The following MMEL1 variants were observed in gnomAD, a reference collection of about 807,000 sequenced individuals.
MMEL1 encodes the protein membrane metallo-endopeptidase-like 1.
In MMEL1, 98 loss-of-function variants were observed where a neutral mutation model predicts 117.1. That is an observed-to-expected ratio of 0.84 (90% CI 0.71 to 0.99). The LOEUF (loss-of-function observed/expected upper bound fraction) is 0.99, where lower values mean the gene tolerates loss of function less well. Ranked by LOEUF, MMEL1 falls within the 50% of genes least tolerant of loss-of-function variation. The pLI is 0.00. For synonymous variants in MMEL1, 390 were observed against 415.1 expected (o/e 0.94, Z 0.74); for missense variants, 1,014 against 1,049.1 (o/e 0.97, Z 0.46).
intron 18 of MMEL1, 143 bp from the exon 19 acceptor site, chr1:2,594,076 T>C (rs1293924026): frequency 6.9e-6 from 8 of 1,161,782 alleles, no homozygotes; most frequent in Non-Finnish European, 9.4e-6. Context: ...AATTTACAGA[T>C]GAAGACACGG....
At position 2,629,481 on chromosome 1, in the gene MMEL1, C is replaced by A. The variant is rs941110889; in HGVS notation, c.4G>T (p.Gly2Trp). 1 of 1,513,846 alleles carries A rather than the reference C, an allele frequency of 6.6e-7. No individual in the cohort carries two copies. 93.8% of individuals were successfully genotyped at this position (1,513,846 alleles called of 1,614,324 possible). ...ATCCCCACTGGGCCTTCGGACTTCC[C>A]CATCAGCAGGGCTCTGGACGGGAGA... MGKSEGPVGMVE... is the reference protein window; with the variant it reads MWKSEGPVGMVE... The change falls in exon 2 of 24, where the codon GGG (glycine) becomes TGG (tryptophan). Residue 2 changes from glycine (G) to tryptophan (W), a missense_variant. Gly to Trp is a radical substitution (Grantham distance 184). Coordinates refer to ENST00000378412, the MANE Select transcript of MMEL1 (RefSeq NM_033467.4).
intron 19 of MMEL1, 129 bp downstream of exon 19, chr1:2,593,685 C>T: frequency 1.5e-6 from 2 of 1,318,574 alleles, no homozygotes. Context: ...CCCACAGCTC[C>T]CTGAGGACCT....
Position 2,595,241 on chromosome 1 carries a change from T to TG in MMEL1, c.1584+34dup, listed in dbSNP as rs1557521519. ...GCAATCAGGGCCCATGTCCACGGTG[T>TG]GGGGGGCAGTTTAGGGCTGGGGTTG... On this transcript the variant is annotated intron_variant, in intron 16 of 23. Transcript: ENST00000378412. The surrounding 1 kb of genome is among the most constrained non-coding windows in gnomAD (Gnocchi z 4.8). 6.3e-7 allele frequency: 1 copy of TG among 1,579,314 alleles called. No individual in the cohort carries two copies. Among genetic ancestry groups the TG allele is most frequent in the Non-Finnish European group, 8.7e-7 (1 of 1,150,386 alleles).
chr1:2,604,119 C>CCCTG, intron 10 of MMEL1, 28 bp downstream of exon 10: 47 of 1,510,052 alleles, frequency 3.1e-5, no homozygotes, highest in Non-Finnish European at 4.1e-5. Context: ...ACTCGCTGCC[C>CCCTG]GCTCCCCACC....
At chr1:2,606,491 C>T (rs770684706) in intron 7 of MMEL1, 125 bp from the exon 8 acceptor site, 114 of 672,242 alleles carry the variant, frequency 1.7e-4, no homozygotes, top group Non-Finnish European at 2.6e-4. Flanking sequence ...CTCACCTGTG[C>T]GCCTTAGGGG....
rs1432590760 is a variant in MMEL1 at position 2,596,032 on chromosome 1, ACTC to A, written c.1474_1476del (p.Glu492del). 1.7e-5 allele frequency: 27 copies of A among 1,612,092 alleles called. No individual in the cohort carries two copies. The highest frequency in any genetic ancestry group is 2.0e-5 in the Non-Finnish European group (24 of 1,179,526). The stretch of plus-strand genomic sequence containing the variant: ...ACCTTCTCCTGCGCCTTCTTCTTGG[ACTC>A]CTCGTCCATCCAGCCCAGCTCGTCC... On this transcript the variant is annotated inframe_deletion, in exon 15 of 24. Coordinates refer to ENST00000378412, the MANE Select transcript of MMEL1 (RefSeq NM_033467.4).
intron 2 of MMEL1, among the ~76,000 whole-genome samples, chr1:2,621,449 A>G (rs2100961053): frequency 6.6e-6 from 1 of 152,280 alleles, no homozygotes; most frequent in East Asian, 1.9e-4. Context: ...ATTCCCTTCT[A>G]TTGGTTCCAA....
chr1:2,631,797 T>A (rs1638600320), intron 1 of MMEL1, among the ~76,000 whole-genome samples: 1 of 152,054 alleles, frequency 6.6e-6, no homozygotes, highest in Non-Finnish European at 1.5e-5. Flanking sequence ...CCCGCGCCAG[T>A]CCTCAGCCTC....
rs141426426 is a variant in MMEL1 at position 2,600,684 on chromosome 1, T to TCAAA, written c.1042-1898_1042-1895dup. 5.6e-3 allele frequency among the ~76,000 whole-genome samples: 841 copies of TCAAA among 151,404 alleles called. 10 individuals carry two copies. Among genetic ancestry groups the TCAAA allele is most frequent in the African/African-American group, 0.019 (788 of 41,344 alleles). On this transcript the variant is annotated intron_variant, in intron 11 of 23. Transcript: ENST00000378412. ...CTGCATGACAGAGTGAGACCCTGTC[T>TCAAA]CAAACAAACAAACAAACAAACAAAA...
intron 2 of MMEL1, among the ~76,000 whole-genome samples, chr1:2,621,039 C>A (rs751037511): frequency 6.6e-6 from 1 of 152,180 alleles, no homozygotes; most frequent in Non-Finnish European, 1.5e-5. Flanking sequence ...AATCCCAGCA[C>A]TTTGGGAGGC....
chr1:2,627,170 C>T (rs1283383279), intron 2 of MMEL1, among the ~76,000 whole-genome samples: 2 of 152,150 alleles, frequency 1.3e-5, no homozygotes, highest in Non-Finnish European at 2.9e-5. Flanking sequence ...GATATATTAA[C>T]TTCATATGTG....
chr1:2,621,530 C>T (rs1181796001), intron 2 of MMEL1, among the ~76,000 whole-genome samples: 1 of 152,058 alleles, frequency 6.6e-6, no homozygotes, highest in African/African-American at 2.4e-5. Context: ...GTGGAAGCCC[C>T]TACTTGGAGT....
chr1:2,595,423 G>A lies in MMEL1; in HGVS notation c.1501-64C>T, dbSNP rs541473478. 49 of 1,433,992 alleles carry A rather than the reference G, an allele frequency of 3.4e-5. No individual in the cohort carries two copies. Among genetic ancestry groups the A allele is most frequent in the Middle Eastern group, 3.5e-4 (2 of 5,742 alleles). The allele number at this position is 1,433,992 out of a possible 1,614,324, so 88.8% of individuals were successfully genotyped here. ...TGCGGATGGAGTCAGCCCGGGGGCCGGTCAGTGAGTGCCACACTGTGGGAG... is the reference window on the plus strand; with the variant it reads ...TGCGGATGGAGTCAGCCCGGGGGCCAGTCAGTGAGTGCCACACTGTGGGAG... On this transcript the variant is annotated intron_variant, in intron 15 of 23. Transcript: ENST00000378412. The surrounding 1 kb of genome is among the most constrained non-coding windows in gnomAD (Gnocchi z 4.8).
rs577393771 is a variant in MMEL1 at position 2,593,026 on chromosome 1, C to T, written c.1868-60G>A. On this transcript the variant is annotated intron_variant, in intron 19 of 23. Coordinates refer to ENST00000378412, the MANE Select transcript of MMEL1 (RefSeq NM_033467.4). ...CCTGGCTGCACTGTGCCTGGCCCCA[C>T]GGCAGCCACTGTGCCTGGCCGCTCC... 2.3e-4 allele frequency: 366 copies of T among 1,585,514 alleles called. 1 individual carries two copies. The highest frequency in any genetic ancestry group is 1.5e-3 in the Admixed American group (89 of 58,694).
rs1645143363 is a variant in MMEL1, at chr1:2,612,298, A to C, written c.155-94T>G. 2 of 1,045,202 alleles carry C rather than the reference A, an allele frequency of 1.9e-6. No individual in the cohort carries two copies. Among genetic ancestry groups the C allele is most frequent in the Admixed American group, 4.1e-5 (2 of 48,438 alleles). The allele number at this position is 1,045,202 out of a possible 1,614,324, so 64.7% of individuals were successfully genotyped here. On this transcript the variant is annotated intron_variant, in intron 2 of 23. Transcript: ENST00000378412. This position sits in a 1 kb window ranked among gnomAD's most constrained non-coding sequence, Gnocchi z 5.4. ...CTGGGTCAGCACGCCATCTTCCCAC[A>C]GTGCTGGGTGCTGCAGCCCTACCCC...
Position 2,612,112 on chromosome 1 carries a change from G to T in MMEL1, c.232+15C>A. ...ACCTGCCTGGGGCTGTTTTGGAAGG[G>T]AAGGCAAAGGCTACCTCGGGGTTTT... On this transcript the variant is annotated intron_variant, in intron 3 of 23. Transcript: ENST00000378412. The surrounding 1 kb of genome is among the most constrained non-coding windows in gnomAD (Gnocchi z 5.4). 1 of 1,568,836 alleles carries T rather than the reference G, an allele frequency of 6.4e-7. No individual in the cohort carries two copies. Among genetic ancestry groups the T allele is most frequent in the Non-Finnish European group, 8.7e-7 (1 of 1,155,292 alleles).
At position 2,607,058 on chromosome 1, in the gene MMEL1, T is replaced by C; in HGVS notation, c.547A>G (p.Lys183Glu). ...RSCMNQSVIE[K>E]RGSQPLLDIL... Reference sequence around the variant, plus strand: ...TCCAGCAGGGGCTGAGAGCCTCGCTTCTCTATCACACCTGAGAAGGGACGC... The same window carrying C: ...TCCAGCAGGGGCTGAGAGCCTCGCTCCTCTATCACACCTGAGAAGGGACGC... Residue 183 changes from lysine (K) to glutamate (E), a missense_variant, in exon 7 of 24, where the codon AAG becomes GAG. Physicochemically the swap from Lys to Glu is moderately conservative, Grantham distance 56 (BLOSUM62 1). Transcript: ENST00000378412. The C allele has an allele frequency of 1.2e-6, 2 of 1,613,046 alleles. No individual in the cohort carries two copies. Among genetic ancestry groups the C allele is most frequent in the Non-Finnish European group, 1.7e-6 (2 of 1,179,902 alleles).
chr1:2,617,943 T>C (rs1645231076), intron 2 of MMEL1, among the ~76,000 whole-genome samples: 1 of 152,240 alleles, frequency 6.6e-6, no homozygotes, highest in African/African-American at 2.4e-5. Flanking sequence ...CTTCTCTTTG[T>C]TCTTTTATAT....
chr1:2,597,981 G>A (rs573542277), intron 13 of MMEL1, among the ~76,000 whole-genome samples: 2 of 152,168 alleles, frequency 1.3e-5, no homozygotes, highest in East Asian at 1.9e-4. Flanking sequence ...CCCTGTCCTC[G>A]TCCCTCCCTG....
Sources: allele counts gnomAD v4.1 joint callset (sites outside exome capture counted in the v4.1 genomes callset), GRCh38; gene constraint gnomAD v4.1.1; non-coding constraint Gnocchi (gnomAD v3.1); transcripts MANE v1.5; gene names NCBI Gene and HGNC (gene_info 2026-07-23, HGNC 2026-07-21).